Variants in OR1J2 observed in about 807,000 individuals in gnomAD.
The protein encoded by OR1J2 is olfactory receptor 1J2.
For missense variants in OR1J2, 304 were observed against 246.1 expected, an observed-to-expected ratio of 1.24 and a Z score of -1.57; for synonymous variants, 142 against 99.7, an observed-to-expected ratio of 1.42 and a Z score of -2.52.
the OR1J2 span, chr9:122,578,382 G>C: frequency 6.6e-6 from 1 of 151,252 alleles, no homozygotes; most frequent in African/African-American, 2.4e-5. Flanking sequence ...CTGGGAGGCG[G>C]AGATTGCAGT....
chr9:122,468,769 G>A, the OR1J2 span, among the ~76,000 whole-genome samples: 36,923 of 152,008 alleles, frequency 0.24, 5,065 homozygotes, highest in East Asian at 0.38. Context: ...CATGGAAGCC[G>A]TTTTACACAC....
At chr9:122,535,728 G>A in the OR1J2 span, among the ~76,000 whole-genome samples, 4 of 152,118 alleles carry the variant, frequency 2.6e-5, no homozygotes, top group Admixed American at 6.5e-5. Context: ...CCCCTGATCC[G>A]AGTCATGGCA....
the OR1J2 span, among the ~76,000 whole-genome samples, chr9:122,480,182 A>G: frequency 1.7e-4 from 26 of 152,198 alleles, no homozygotes; most frequent in African/African-American, 5.5e-4. Context: ...CAAGTGATTA[A>G]AACAAATAAA....
At chr9:122,559,153 CCTGT>C in the OR1J2 span, among the ~76,000 whole-genome samples, 1 of 151,972 alleles carries the variant, frequency 6.6e-6, no homozygotes, top group Non-Finnish European at 1.5e-5. Flanking sequence ...GCTTGTTAAT[CCTGT>C]CTAAGTATAA....
chr9:122,550,962 C>A, the OR1J2 span, among the ~76,000 whole-genome samples: 1 of 151,618 alleles, frequency 6.6e-6, no homozygotes, highest in African/African-American at 2.4e-5. Context: ...AAAAGGAAGT[C>A]AAAGTATCTT....
chr9:122,468,823 G>A, the OR1J2 span, among the ~76,000 whole-genome samples: 1 of 152,180 alleles, frequency 6.6e-6, no homozygotes, highest in Non-Finnish European at 1.5e-5. Context: ...AACCTCCTAT[G>A]AACCTCTTCT....
the OR1J2 span, among the ~76,000 whole-genome samples, chr9:122,463,524 G>T: frequency 6.6e-6 from 1 of 152,144 alleles, no homozygotes. Context: ...TGCCAGCACT[G>T]TTTTTCTGGT....
At chr9:122,577,318 G>T in the OR1J2 span, among the ~76,000 whole-genome samples, 5 of 152,132 alleles carry the variant, frequency 3.3e-5, no homozygotes, top group African/African-American at 1.2e-4. Context: ...TCCTATTATT[G>T]TAGGCAGACT....
chr9:122,549,050 A>C, the OR1J2 span, among the ~76,000 whole-genome samples: 1 of 151,732 alleles, frequency 6.6e-6, no homozygotes, highest in African/African-American at 2.4e-5. Flanking sequence ...GCTTAGATCA[A>C]TGTTGATATG....
chr9:122,482,406 T>C, the OR1J2 span, among the ~76,000 whole-genome samples: 14 of 152,108 alleles, frequency 9.2e-5, no homozygotes, highest in Admixed American at 3.3e-4. Flanking sequence ...AGGGGAAGAC[T>C]TATACATGGT....
the OR1J2 span, among the ~76,000 whole-genome samples, chr9:122,489,703 C>T: frequency 1.2e-4 from 19 of 152,318 alleles, no homozygotes; most frequent in East Asian, 2.9e-3. Context: ...AACCTGTTCC[C>T]GGACTTGGTG....
the OR1J2 span, among the ~76,000 whole-genome samples, chr9:122,565,901 C>T: frequency 6.6e-6 from 1 of 152,286 alleles, no homozygotes; most frequent in African/African-American, 2.4e-5. Context: ...AATGACTGGA[C>T]TCCTAAACTC....
chr9:122,508,987 G>C (rs1025723306), upstream of OR1J2, among the ~76,000 whole-genome samples: 1 of 151,996 alleles, frequency 6.6e-6, no homozygotes, highest in East Asian at 1.9e-4. Flanking sequence ...CCCTTCCTTC[G>C]TCCTCTGAGC....
chr9:122,489,971 C>T, the OR1J2 span, among the ~76,000 whole-genome samples: 1 of 152,132 alleles, frequency 6.6e-6, no homozygotes, highest in Admixed American at 6.5e-5. Context: ...ATTTAGTATG[C>T]AGTAAGGCAC....
the OR1J2 span, among the ~76,000 whole-genome samples, chr9:122,559,412 C>T: frequency 2.0e-5 from 3 of 151,748 alleles, no homozygotes; most frequent in Non-Finnish European, 4.4e-5. Context: ...ATCAACTGGT[C>T]ATCTAGAGTG....
At chr9:122,559,291 G>A in the OR1J2 span, among the ~76,000 whole-genome samples, 1 of 151,558 alleles carries the variant, frequency 6.6e-6, no homozygotes, top group Admixed American at 6.6e-5. Flanking sequence ...TTTTCTATAT[G>A]TAATATTTAT....
chr9:122,453,675 C>T, the OR1J2 span, among the ~76,000 whole-genome samples: 6 of 152,262 alleles, frequency 3.9e-5, no homozygotes, highest in Admixed American at 2.0e-4. Flanking sequence ...TATGTGACAA[C>T]CAGGTCATGT....
At chr9:122,467,132 T>C in the OR1J2 span, among the ~76,000 whole-genome samples, 1 of 152,214 alleles carries the variant, frequency 6.6e-6, no homozygotes, top group African/African-American at 2.4e-5. Context: ...GCTGGGAGTG[T>C]GGTCTTAACT....
downstream of OR1J2, among the ~76,000 whole-genome samples, chr9:122,514,372 G>A (rs1474618377): frequency 6.6e-6 from 1 of 152,166 alleles, no homozygotes; most frequent in East Asian, 1.9e-4. Flanking sequence ...GTGAGAACAT[G>A]CAGTATTTGG....
Sources: allele counts gnomAD v4.1 joint callset (sites outside exome capture counted in the v4.1 genomes callset), GRCh38; gene constraint gnomAD v4.1.1; transcripts MANE v1.5; gene names NCBI Gene and HGNC (gene_info 2026-07-23, HGNC 2026-07-21).